RWDD3: variants seen among roughly 807,000 people sequenced by gnomAD.
The protein encoded by RWDD3 is RWD domain containing 3.
Under a neutral mutation model 26.5 loss-of-function variants are expected in RWDD3, and 30 were observed. The observed-to-expected ratio is 1.13, with a 90% CI of 0.85 to 1.54. The LOEUF (loss-of-function observed/expected upper bound fraction) is 1.54. Among genes scored for constraint, RWDD3 ranks in the 40% most tolerant of loss-of-function variants. The pLI is 0.00. For missense variants in RWDD3, 296 were observed against 309.1 expected (o/e 0.96, Z 0.32); for synonymous variants, 113 against 114.5 (o/e 0.99, Z 0.09).
intron 2 of RWDD3, 43 bp from the exon 3 acceptor site, chr1:95,246,499 C>A (rs1290097023): frequency 3.0e-6 from 3 of 1,010,032 alleles, no homozygotes; most frequent in Admixed American, 2.2e-5. Flanking sequence ...GACTTTGAGA[C>A]TCAGAGTAAG....
intron 3 of RWDD3, 49 bp from the exon 4 acceptor site, chr1:95,246,707 T>C: frequency 6.5e-7 from 1 of 1,536,524 alleles, no homozygotes; most frequent in East Asian, 2.3e-5. Context: ...TCGATAATTA[T>C]ACTCTGACAA....
intron 1 of RWDD3, among the ~76,000 whole-genome samples, chr1:95,241,988 A>G (rs1218300823): frequency 2.6e-5 from 4 of 152,152 alleles, no homozygotes; most frequent in Non-Finnish European, 5.9e-5. Flanking sequence ...CTCTTTTGCT[A>G]TCAACTCGAG....
Position 95,247,098 on chromosome 1 carries a change from G to A in RWDD3, c.*228G>A, listed in dbSNP as rs2101129399. 1 of 303,336 alleles carries A rather than the reference G, an allele frequency of 3.3e-6. No homozygotes were observed. The highest frequency in any genetic ancestry group is 6.0e-6 in the Non-Finnish European group (1 of 167,108). 18.8% of individuals were successfully genotyped at this position (303,336 alleles called of 1,614,324 possible). ...CCAGGAAAGGCTAGGTTCAGTAGAT[G>A]AGACATTATTTAAAAGATAAATTTA... On this transcript the variant is annotated 3_prime_UTR_variant, in exon 4 of 4. Transcript: ENST00000370202.
In RWDD3 at chr1:95,246,740, C is replaced by G. The variant is rs1466372856; in HGVS notation, c.690-16C>G. ...CAAATCTAGGCATATTCATGAGTTTCTTTTGTATAATGCAGGTTTCTGGCA... is the reference window on the plus strand; with the variant it reads ...CAAATCTAGGCATATTCATGAGTTTGTTTTGTATAATGCAGGTTTCTGGCA... On this transcript the variant is annotated splice_polypyrimidine_tract_variant and intron_variant, in intron 3 of 3. Coordinates refer to ENST00000370202, the MANE Select transcript of RWDD3 (RefSeq NM_015485.5). The G allele has an allele frequency of 6.5e-7, 1 of 1,548,128 alleles. No homozygotes were observed. The highest frequency in any genetic ancestry group is 1.4e-5 in the African/African-American group (1 of 72,294).
In RWDD3 at chr1:95,246,787, G is replaced by T. The variant is rs761618068; in HGVS notation, c.721G>T (p.Ala241Ser). 6.4e-7 allele frequency: 1 copy of T among 1,571,406 alleles called. No individual in the cohort carries two copies. Among genetic ancestry groups the T allele is most frequent in the South Asian group, 1.2e-5 (1 of 83,894 alleles). Residue 241 changes from alanine to serine, a missense_variant, in exon 4 of 4, where the codon GCG becomes TCG. Coordinates refer to ENST00000370202, the MANE Select transcript of RWDD3 (RefSeq NM_015485.5). ...GGCATTTGAAGTCAAAGAGTATTCA[G>T]CGTTGGATGAATTACAAAAGGAATT... The part of the protein sequence containing the change: ...FLAFEVKEYS[A>S]LDELQKEFET...
Position 95,234,320 on chromosome 1 carries a change from C to G in RWDD3, c.85+5C>G, listed in dbSNP as rs371656412. 1.1e-5 allele frequency: 18 copies of G among 1,587,418 alleles called. No homozygotes were observed. In the African/African-American group the frequency reaches 2.1e-4, roughly 19 times the overall value. ...GGGAGGTGCTGAGCCGCTCAGGTGA[C>G]TACCCGCGCGCGGGAGGGACAGGGC... On this transcript the variant is annotated splice_donor_5th_base_variant and intron_variant, in intron 1 of 3. Coordinates refer to ENST00000370202, the MANE Select transcript of RWDD3 (RefSeq NM_015485.5).
chr1:95,246,677 C>A lies in RWDD3; in HGVS notation c.689+20C>A. 1 of 1,555,318 alleles carries A rather than the reference C, an allele frequency of 6.4e-7. No individual in the cohort carries two copies. The highest frequency in any genetic ancestry group is 8.8e-7 in the Non-Finnish European group (1 of 1,136,590). ...CAAAAGGTATAATTTAGTACTATTG[C>A]AGATGGAAAAGCAACTGAATCGATA... is the stretch of plus-strand genomic sequence containing the variant. On this transcript the variant is annotated intron_variant, in intron 3 of 3. Transcript: ENST00000370202.
At position 95,244,224 on chromosome 1, in the gene RWDD3, C is replaced by A. The variant is rs202232113; in HGVS notation, c.99C>A (p.Thr33=). The A allele has an allele frequency of 6.2e-7, 1 of 1,613,782 alleles. No individual in the cohort carries two copies. Among genetic ancestry groups the A allele is most frequent in the African/African-American group, 1.3e-5 (1 of 75,020 alleles). Reference sequence around the variant, plus strand: ...GATGCCTTCCAGAGACAGATGGGACCGTGTTCAGAATTCACACAAAAGCTG... The same window carrying A: ...GATGCCTTCCAGAGACAGATGGGACAGTGTTCAGAATTCACACAAAAGCTG... ...EVLSRSETDG[T]VFRIHTKAEG... is the part of the protein sequence containing the mutation. Residue 33 remains threonine, a synonymous_variant, in exon 2 of 4, where the codon ACC becomes ACA. Transcript: ENST00000370202.
intron 1 of RWDD3, among the ~76,000 whole-genome samples, chr1:95,235,384 A>G (rs1217480712): frequency 1.5e-4 from 9 of 60,666 alleles, no homozygotes; most frequent in Non-Finnish European, 2.1e-4. Context: ...TTTGAGACAG[A>G]GTCTTGTTCT....
At position 95,241,818 on chromosome 1, in the gene RWDD3, C is replaced by T. The variant is rs1026152623; in HGVS notation, c.86-2393C>T. On this transcript the variant is annotated intron_variant, in intron 1 of 3. Transcript: ENST00000370202. Reference sequence around the variant, plus strand: ...TTAGTACAGATTAAATGACAAGGGTCATGAGTAAACACCACTAGAAGGTAA... The same window carrying T: ...TTAGTACAGATTAAATGACAAGGGTTATGAGTAAACACCACTAGAAGGTAA... Among the ~76,000 whole-genome samples the T allele has an allele frequency of 2.6e-5, 4 of 152,264 alleles. No individual in the cohort carries two copies. The South Asian group carries it at 8.3e-4, about 32-fold the overall frequency.
chr1:95,244,593 C>G lies in RWDD3; in HGVS notation c.468C>G (p.Val156=). The change falls in exon 2 of 4, where the codon GTC becomes GTG. Residue 156 remains valine, a synonymous_variant. Coordinates refer to ENST00000370202, the MANE Select transcript of RWDD3 (RefSeq NM_015485.5). ...ACATGAGAGCAAAGACTAAATATGT[C>G]AAAATTGTGGAGAAGTGGGCTTCAG... ...LDHMRAKTKY[V]KIVEKWASDL... The G allele has an allele frequency of 6.2e-7, 1 of 1,614,114 alleles. No homozygotes were observed. Among genetic ancestry groups the G allele is most frequent in the Non-Finnish European group, 8.5e-7 (1 of 1,180,018 alleles).
chr1:95,234,979 G>T (rs1455084836), intron 1 of RWDD3, among the ~76,000 whole-genome samples: 1 of 151,786 alleles, frequency 6.6e-6, no homozygotes, highest in Non-Finnish European at 1.5e-5. Flanking sequence ...TGCAGCCTCC[G>T]CCTCCCGAGT....
intron 2 of RWDD3, among the ~76,000 whole-genome samples, chr1:95,245,763 G>A (rs1470281315): frequency 6.6e-6 from 1 of 152,072 alleles, no homozygotes; most frequent in Non-Finnish European, 1.5e-5. Flanking sequence ...TAATTTTCAT[G>A]CTCATCTTTA....
intron 2 of RWDD3, among the ~76,000 whole-genome samples, chr1:95,245,235 C>T (rs922888494): frequency 3.9e-5 from 6 of 152,174 alleles, no homozygotes; most frequent in Non-Finnish European, 8.8e-5. Context: ...CAACTTGTCA[C>T]CTCCTACCTA....
intron 1 of RWDD3, among the ~76,000 whole-genome samples, chr1:95,238,429 T>C (rs1306846553): frequency 6.7e-6 from 1 of 150,088 alleles, no homozygotes; most frequent in Non-Finnish European, 1.5e-5. Context: ...TTTTTTTTTT[T>C]CTTCTGAAGC....
At chr1:95,241,288 G>C (rs536829704) in intron 1 of RWDD3, among the ~76,000 whole-genome samples, 1 of 152,092 alleles carries the variant, frequency 6.6e-6, no homozygotes, top group Non-Finnish European at 1.5e-5. Flanking sequence ...GATTTGGACA[G>C]TTACTGCTTA....
intron 3 of RWDD3, 40 bp from the exon 4 acceptor site, chr1:95,246,713 GACA>G: frequency 6.5e-7 from 1 of 1,534,704 alleles, no homozygotes; most frequent in Non-Finnish European, 8.9e-7. Context: ...ATTATACTCT[GACA>G]AATCTAGGCA....
At chr1:95,242,875 T>A (rs965236390) in intron 1 of RWDD3, among the ~76,000 whole-genome samples, 2 of 151,710 alleles carry the variant, frequency 1.3e-5, no homozygotes, top group African/African-American at 4.8e-5. Context: ...GCCGAGATCA[T>A]GCCACTGCAC....
Position 95,234,295 on chromosome 1 carries a change from G to A in RWDD3, c.65G>A (p.Trp22Ter). Reference protein sequence around the residue: ...LAAIFCRPHEWEVLSRSETDG... With the variant: ...LAAIFCRPHE ...GCGATTTTCTGCAGGCCCCACGAGT[G>A]GGAGGTGCTGAGCCGCTCAGGTGAC... The change falls in exon 1 of 4, where the codon TGG becomes TAG. Residue 22 changes from tryptophan (W) to a stop codon, truncating the protein, a stop_gained. Coordinates refer to ENST00000370202, the MANE Select transcript of RWDD3 (RefSeq NM_015485.5). LOFTEE classifies it high-confidence loss of function. 6.3e-7 allele frequency: 1 copy of A among 1,597,164 alleles called. No individual in the cohort carries two copies. Among genetic ancestry groups the A allele is most frequent in the Non-Finnish European group, 8.5e-7 (1 of 1,172,238 alleles).
Sources: gnomAD v4.1 joint callset for allele counts (sites outside exome capture counted in the v4.1 genomes callset) on GRCh38, gnomAD v4.1.1 for gene constraint, MANE v1.5 for transcripts, NCBI Gene and HGNC (gene_info 2026-07-23, HGNC 2026-07-21) for gene names.